TTC39B: variants seen among roughly 807,000 people sequenced by gnomAD.
TTC39B encodes tetratricopeptide repeat domain 39B.
A neutral mutation model predicts 96.6 loss-of-function variants in TTC39B; 92 were observed. The observed-to-expected ratio is 0.95, with a 90% CI of 0.80 to 1.13. TTC39B has a LOEUF of 1.13. TTC39B is among the 50% of genes most tolerant of loss of function. The probability of loss-of-function intolerance (pLI) is 0.00; values close to 1 mark genes in which losing one functional copy is unlikely to be tolerated. For missense variants in TTC39B, 955 were observed against 809.3 expected, an observed-to-expected ratio of 1.18 and a Z score of -2.18; for synonymous variants, 367 against 299.4, an observed-to-expected ratio of 1.23 and a Z score of -2.33.
chr9:15,266,389 A>G (rs919034283), intron 2 of TTC39B, among the ~76,000 whole-genome samples: 6 of 152,328 alleles, frequency 3.9e-5, no homozygotes, highest in African/African-American at 7.2e-5. Context: ...TTTAAAGTCC[A>G]TAAGTATGTT....
chr9:15,166,982 T>TATATA (rs1817529336), exon 20 of TTC39B: 6 of 20,280 alleles, frequency 3.0e-4, no homozygotes, highest in African/African-American at 9.2e-4. Flanking sequence ...AACCTTTATT[T>TATATA]TATATATATA....
intron 2 of TTC39B, among the ~76,000 whole-genome samples, chr9:15,252,215 TTTC>T (rs1822587277): frequency 2.6e-5 from 4 of 152,226 alleles, no homozygotes; most frequent in African/African-American, 7.2e-5. Context: ...TCATCTAATT[TTTC>T]TTTTTTCCTT....
intron 2 of TTC39B, among the ~76,000 whole-genome samples, chr9:15,233,326 C>T (rs559101805): frequency 6.6e-6 from 1 of 152,202 alleles, no homozygotes; most frequent in South Asian, 2.1e-4. Context: ...AAGAAAACCT[C>T]GCCCTCTCCC....
exon 3 of TTC39B, chr9:15,225,970 T>C (rs1402825140): frequency 3.7e-6 from 6 of 1,614,054 alleles, no homozygotes; most frequent in Admixed American, 3.3e-5. Flanking sequence ...TATCACATGA[T>C]GCAAAGTGAA....
At chr9:15,194,534 T>G (rs112756435) in intron 8 of TTC39B, among the ~76,000 whole-genome samples, 8 of 152,318 alleles carry the variant, frequency 5.3e-5, no homozygotes, top group African/African-American at 1.9e-4. Flanking sequence ...CACTGATATG[T>G]AAAGGCATAC....
intron 2 of TTC39B, among the ~76,000 whole-genome samples, chr9:15,228,749 TCAAA>T (rs1482401210): frequency 1.2e-4 from 18 of 152,230 alleles, no homozygotes; most frequent in African/African-American, 4.3e-4. Flanking sequence ...TCACTTATGC[TCAAA>T]CAAACTAGTT....
At position 15,248,501 on chromosome 9, in the gene TTC39B, C is replaced by T. The variant is rs190454201; in HGVS notation, c.275+19413G>A. On this transcript the variant is annotated intron_variant, in intron 2 of 19. Coordinates refer to ENST00000512701, the Ensembl canonical transcript of TTC39B. ...GTAATCAGTTTTTTAATGCCCTCTTCATCTGCTAAAAATATCTGCTCCATG... is the reference window on the plus strand; with the variant it reads ...GTAATCAGTTTTTTAATGCCCTCTTTATCTGCTAAAAATATCTGCTCCATG... Among the ~76,000 whole-genome samples, 387 of 152,288 alleles carry T rather than the reference C, an allele frequency of 2.5e-3. 1 individual carries two copies. The highest frequency in any genetic ancestry group is 3.5e-3 in the Non-Finnish European group (239 of 68,030).
intron 3 of TTC39B, among the ~76,000 whole-genome samples, chr9:15,222,032 G>A (rs1223428931): frequency 3.3e-5 from 5 of 152,216 alleles, no homozygotes; most frequent in Admixed American, 6.5e-5. Flanking sequence ...GAAGAAGCAA[G>A]AAAGAGTAAC....
intron 2 of TTC39B, among the ~76,000 whole-genome samples, chr9:15,233,000 G>A (rs1030240111): frequency 3.3e-5 from 5 of 152,206 alleles, no homozygotes; most frequent in Admixed American, 2.0e-4. Flanking sequence ...TACACAGAGA[G>A]GATAGGAGAC....
chr9:15,205,188 G>C (rs541135366), intron 6 of TTC39B, among the ~76,000 whole-genome samples: 1 of 152,310 alleles, frequency 6.6e-6, no homozygotes, highest in East Asian at 1.9e-4. Flanking sequence ...ATGATACAGA[G>C]TAAGCACTGG....
At chr9:15,182,587 T>C (rs149408978) in intron 16 of TTC39B, among the ~76,000 whole-genome samples, 172 bp from the exon 17 acceptor site, 20 of 152,352 alleles carry the variant, frequency 1.3e-4, no homozygotes, top group African/African-American at 4.6e-4. Flanking sequence ...ATTCAGTATA[T>C]ATATTTTTAC....
rs1040980083 is a variant in TTC39B, at chr9:15,306,569, T to C, written c.240+515A>G. ...GCCCTGCTGTCGCGGCAGGTACCCC[T>C]CTACTCATTGTTCCTCAGGCTGCCC... On this transcript the variant is annotated intron_variant, in intron 1 of 19. Coordinates refer to ENST00000512701, the Ensembl canonical transcript of TTC39B. The surrounding 1 kb of genome is among the most constrained non-coding windows in gnomAD (Gnocchi z 5.1). Among the ~76,000 whole-genome samples, 3 of 152,072 alleles carry C rather than the reference T, an allele frequency of 2.0e-5. No homozygotes were observed.
intron 6 of TTC39B, among the ~76,000 whole-genome samples, chr9:15,206,068 A>T (rs1416018595): frequency 6.6e-6 from 1 of 152,188 alleles, no homozygotes; most frequent in East Asian, 1.9e-4. Flanking sequence ...AGATGAACAA[A>T]GTTAAGAGCA....
intron 1 of TTC39B, among the ~76,000 whole-genome samples, chr9:15,273,899 A>G (rs1823446386): frequency 6.6e-6 from 1 of 152,232 alleles, no homozygotes; most frequent in African/African-American, 2.4e-5. Flanking sequence ...GGCAGGGACT[A>G]AGAGCCATGG....
At chr9:15,251,183 G>A (rs367593898) in intron 2 of TTC39B, among the ~76,000 whole-genome samples, 10 of 152,076 alleles carry the variant, frequency 6.6e-5, no homozygotes, top group South Asian at 2.1e-4. Flanking sequence ...ATGACAGAGC[G>A]AGACTCCATC....
At chr9:15,220,559 A>C (rs565156467) in intron 3 of TTC39B, among the ~76,000 whole-genome samples, 3 of 152,346 alleles carry the variant, frequency 2.0e-5, no homozygotes, top group South Asian at 2.1e-4. Flanking sequence ...CAGATGTAAA[A>C]GGTAAAAATG....
chr9:15,285,654 A>G (rs1384562964), intron 1 of TTC39B, among the ~76,000 whole-genome samples: 1 of 152,126 alleles, frequency 6.6e-6, no homozygotes, highest in Non-Finnish European at 1.5e-5. Flanking sequence ...GGAGATGGAG[A>G]CCATCCTGGC....
At chr9:15,294,915 G>C (rs1404444746) in intron 1 of TTC39B, among the ~76,000 whole-genome samples, 1 of 152,110 alleles carries the variant, frequency 6.6e-6, no homozygotes, top group Non-Finnish European at 1.5e-5. Flanking sequence ...CATTTCTCTG[G>C]TGAATATGGA....
At chr9:15,227,783 T>C (rs1821205821) in intron 2 of TTC39B, among the ~76,000 whole-genome samples, 1 of 152,210 alleles carries the variant, frequency 6.6e-6, no homozygotes, top group Non-Finnish European at 1.5e-5. Context: ...AAATGTACTG[T>C]TAAAATATCC....
Sources: allele counts gnomAD v4.1 joint callset (sites outside exome capture counted in the v4.1 genomes callset), GRCh38; gene constraint gnomAD v4.1.1; non-coding constraint Gnocchi (gnomAD v3.1); transcripts MANE v1.5; gene names NCBI Gene and HGNC (gene_info 2026-07-23, HGNC 2026-07-21).